TBPL1: variants seen among roughly 807,000 people sequenced by gnomAD.
The protein encoded by TBPL1 is TATA box-binding protein-like 1.
TBPL1 carries 4 observed loss-of-function variants against 22.1 expected under a neutral mutation model. The observed-to-expected ratio is 0.18, with a 90% CI of 0.09 to 0.41. The LOEUF is 0.41. TBPL1 is among the 10% of genes least tolerant of loss of function. The pLI, the probability that TBPL1 is intolerant of heterozygous loss-of-function variation, is 1.00. For synonymous variants in TBPL1, 64 were observed against 71.0 expected, an observed-to-expected ratio of 0.90 and a Z score of 0.50; for missense variants, 115 against 222.3, an observed-to-expected ratio of 0.52 and a Z score of 3.07.
chr6:133,977,879 A>G (rs184249454), intron 1 of TBPL1, among the ~76,000 whole-genome samples: 1 of 152,348 alleles, frequency 6.6e-6, no homozygotes, highest in Admixed American at 6.5e-5. Flanking sequence ...TCCAACCTCT[A>G]GACAGCAAGA....
In TBPL1 at chr6:133,988,957, C is replaced by A. The variant is rs918962135; in HGVS notation, c.*1917C>A. ...ATGCTTATATAGCCAAGGTACAGATCCAGATGATGTAACCTTTTTAGTATT... is the reference window on the plus strand; with the variant it reads ...ATGCTTATATAGCCAAGGTACAGATACAGATGATGTAACCTTTTTAGTATT... On this transcript the variant is annotated 3_prime_UTR_variant, in exon 7 of 7. Coordinates refer to ENST00000237264, the MANE Select transcript of TBPL1 (RefSeq NM_004865.4). The A allele has an allele frequency of 6.6e-6, 1 of 152,090 alleles. No homozygotes were observed. Among genetic ancestry groups the A allele is most frequent in the African/African-American group, 2.4e-5 (1 of 41,412 alleles). The allele number at this position is 152,090 out of a possible 1,614,324, so 9.4% of individuals were successfully genotyped here. A position where few individuals can be genotyped will look rare whatever the true frequency, so the allele number is the denominator to read the frequency against.
At position 133,987,963 on chromosome 6, in the gene TBPL1, G is replaced by A. The variant is rs1323721522; in HGVS notation, c.*923G>A. 1 of 152,104 alleles carries A rather than the reference G, an allele frequency of 6.6e-6. No individual in the cohort carries two copies. The highest frequency in any genetic ancestry group is 6.6e-5 in the Admixed American group (1 of 15,248). The allele number at this position is 152,104 out of a possible 1,614,324, so 9.4% of individuals were successfully genotyped here. On this transcript the variant is annotated 3_prime_UTR_variant, in exon 7 of 7. Transcript: ENST00000237264. ...ATTTGGACCTTTGTTTTTCTGGAAA[G>A]ACTCAACACCTGTAGTTGTAGAGAA...
chr6:133,975,794 G>A (rs946789904), intron 1 of TBPL1, among the ~76,000 whole-genome samples: 1 of 152,196 alleles, frequency 6.6e-6, no homozygotes, highest in South Asian at 2.1e-4. Context: ...AGGGAAAGGT[G>A]AGGAGGATGT....
intron 1 of TBPL1, among the ~76,000 whole-genome samples, chr6:133,970,849 A>C (rs1776208194): frequency 6.6e-6 from 1 of 152,108 alleles, no homozygotes; most frequent in Admixed American, 6.6e-5. Context: ...ATGATTGTAC[A>C]TATTATACAT....
chr6:133,958,087 A>G (rs142801135), intron 1 of TBPL1, among the ~76,000 whole-genome samples: 127 of 152,382 alleles, frequency 8.3e-4, no homozygotes, highest in African/African-American at 2.8e-3. Flanking sequence ...CACTGATGGC[A>G]GATGGACTAA....
intron 1 of TBPL1, among the ~76,000 whole-genome samples, chr6:133,953,638 G>A (rs756869185): frequency 6.6e-6 from 1 of 152,132 alleles, no homozygotes; most frequent in Non-Finnish European, 1.5e-5. Flanking sequence ...AGAGGACCGG[G>A]CGATATTTGG....
At chr6:133,975,389 A>T (rs1408074759) in intron 1 of TBPL1, among the ~76,000 whole-genome samples, 1 of 152,150 alleles carries the variant, frequency 6.6e-6, no homozygotes, top group African/African-American at 2.4e-5. Context: ...TCTTAAAGAA[A>T]TTGAATTTAA....
intron 1 of TBPL1, among the ~76,000 whole-genome samples, chr6:133,964,238 C>T (rs1776078485): frequency 1.3e-5 from 2 of 152,140 alleles, no homozygotes; most frequent in Non-Finnish European, 2.9e-5. Context: ...GCCAAGTTCT[C>T]TGTGTTTATC....
chr6:133,956,186 A>G (rs1393127396), intron 1 of TBPL1, among the ~76,000 whole-genome samples: 2 of 152,188 alleles, frequency 1.3e-5, no homozygotes, highest in Non-Finnish European at 1.5e-5. Flanking sequence ...GTTGCAGTTG[A>G]TTTTTAGAAG....
chr6:133,986,652 T>C (rs1776530900), intron 6 of TBPL1, among the ~76,000 whole-genome samples: 1 of 152,212 alleles, frequency 6.6e-6, no homozygotes, highest in Non-Finnish European at 1.5e-5. Flanking sequence ...TCCCATTTGT[T>C]ACTCCTTCCT....
rs1014706155 is a variant in TBPL1, at chr6:133,987,144, T to A, written c.*104T>A. 3.0e-6 allele frequency: 2 copies of A among 668,816 alleles called. No individual in the cohort carries two copies. Among genetic ancestry groups the A allele is most frequent in the Non-Finnish European group, 4.9e-6 (2 of 410,116 alleles). The allele number at this position is 668,816 out of a possible 1,614,324, so 41.4% of individuals were successfully genotyped here. A position where few individuals can be genotyped will look rare whatever the true frequency, so the allele number is the denominator to read the frequency against. ...ACCAACAATAATTGAGGAAATAGAC[T>A]CTTTTATTCATTCACGGCTACAGTG... On this transcript the variant is annotated 3_prime_UTR_variant, in exon 7 of 7. Transcript: ENST00000237264.
In TBPL1 at chr6:133,981,013, G is replaced by T. The variant is rs144830321; in HGVS notation, c.135+753G>T. Among the ~76,000 whole-genome samples, 751 of 140,802 alleles carry T rather than the reference G, an allele frequency of 5.3e-3. 8 individuals carry two copies. Among genetic ancestry groups the T allele is most frequent in the African/African-American group, 0.02 (726 of 36,634 alleles). 92.4% of individuals were successfully genotyped at this position (140,802 alleles called of 152,430 possible). A position where few individuals can be genotyped will look rare whatever the true frequency, so the allele number is the denominator to read the frequency against. ...AGACGGAGTCTCACTCTTCCGCCAG[G>T]CTGGAGTGCAATGCAGTGGCATGAT... is the stretch of plus-strand genomic sequence containing the variant. On this transcript the variant is annotated intron_variant, in intron 2 of 6. Transcript: ENST00000237264.
At chr6:133,958,631 C>T (rs528773774) in intron 1 of TBPL1, among the ~76,000 whole-genome samples, 2 of 152,282 alleles carry the variant, frequency 1.3e-5, no homozygotes, top group East Asian at 3.9e-4. Flanking sequence ...GTTGTGTGGA[C>T]ATTGGAAACT....
intron 1 of TBPL1, among the ~76,000 whole-genome samples, chr6:133,960,410 T>A (rs1386223414): frequency 6.7e-6 from 1 of 149,316 alleles, no homozygotes; most frequent in Non-Finnish European, 1.5e-5. Flanking sequence ...AGCCTTTGGC[T>A]GACCAGCCTT....
intron 2 of TBPL1, among the ~76,000 whole-genome samples, chr6:133,980,993 G>A (rs545345568): frequency 1.5e-5 from 2 of 132,524 alleles, no homozygotes; most frequent in East Asian, 2.1e-4. Flanking sequence ...TTTTGAGACG[G>A]AGTCTCACTC....
At chr6:133,971,472 T>G (rs1003828085) in intron 1 of TBPL1, among the ~76,000 whole-genome samples, 16 of 152,178 alleles carry the variant, frequency 1.1e-4, no homozygotes, top group Admixed American at 1.0e-3. Context: ...TATTTTTAAT[T>G]TTTTGAGGAA....
chr6:133,982,508 G>T, intron 2 of TBPL1, 60 bp from the exon 3 acceptor site: 1 of 1,486,314 alleles, frequency 6.7e-7, no homozygotes, highest in South Asian at 1.2e-5. Flanking sequence ...TGACTATATA[G>T]AACAGAACCT....
At chr6:133,959,468 T>C (rs184361510) in intron 1 of TBPL1, among the ~76,000 whole-genome samples, 1 of 152,068 alleles carries the variant, frequency 6.6e-6, no homozygotes, top group East Asian at 1.9e-4. Flanking sequence ...TCTAGTGTTC[T>C]TTCTTTCTTT....
At chr6:133,967,891 C>A (rs146835238) in intron 1 of TBPL1, among the ~76,000 whole-genome samples, 107 of 152,232 alleles carry the variant, frequency 7.0e-4, no homozygotes, top group African/African-American at 2.4e-3. Flanking sequence ...ACAGCATGTG[C>A]GATCCCAATC....
Sources: allele counts gnomAD v4.1 joint callset (sites outside exome capture counted in the v4.1 genomes callset), GRCh38; gene constraint gnomAD v4.1.1; transcripts MANE v1.5; gene names NCBI Gene and HGNC (gene_info 2026-07-23, HGNC 2026-07-21).